The following ULK2 variants were observed in gnomAD, a reference collection of about 807,000 sequenced individuals.
The protein encoded by ULK2 is unc-51 like autophagy activating kinase 2, also known as serine/threonine-protein kinase ULK2.
In ULK2, 76 loss-of-function variants were observed where a neutral mutation model predicts 127.5. The observed-to-expected ratio is 0.60, with a 90% CI of 0.50 to 0.72. ULK2 has a LOEUF of 0.72. Among genes scored for constraint, ULK2 ranks in the 30% least tolerant of loss-of-function variants. The pLI is 0.00. For synonymous variants in ULK2, 452 were observed against 461.9 expected (o/e 0.98, Z 0.28); for missense variants, 1,144 against 1,295.9 (o/e 0.88, Z 1.80).
intron 10 of ULK2, among the ~76,000 whole-genome samples, chr17:19,828,944 G>A (rs1298991785): frequency 6.6e-6 from 1 of 152,136 alleles, no homozygotes; most frequent in Admixed American, 6.5e-5. Flanking sequence ...GCTAGGCATG[G>A]TGCTGCACAT....
At chr17:19,842,053 A>G (rs2041771150) in intron 8 of ULK2, among the ~76,000 whole-genome samples, 1 of 152,142 alleles carries the variant, frequency 6.6e-6, no homozygotes, top group African/African-American at 2.4e-5. Flanking sequence ...AACTATGTAT[A>G]CTGCTACTAT....
At chr17:19,859,678 C>T (rs916123859) in intron 3 of ULK2, among the ~76,000 whole-genome samples, 3 of 152,092 alleles carry the variant, frequency 2.0e-5, no homozygotes, top group Non-Finnish European at 4.4e-5. Flanking sequence ...AGCCATAATT[C>T]GGTGGTTTCT....
chr17:19,840,735 A>G (rs933859433), intron 9 of ULK2, among the ~76,000 whole-genome samples: 4 of 151,298 alleles, frequency 2.6e-5, no homozygotes, highest in African/African-American at 9.7e-5. Flanking sequence ...AAAAAAATAC[A>G]AAAATTAGAG....
rs2041854049 is a variant in ULK2, at chr17:19,845,295, C to G, written c.543+9G>C. On this transcript the variant is annotated intron_variant, in intron 7 of 26. Transcript: ENST00000395544. ...CTTTAAACACACAAGGATGCAAACA[C>G]TCACTCACCATGTACATCGGGGATC... 6.2e-7 allele frequency: 1 copy of G among 1,611,914 alleles called. No homozygotes were observed. The highest frequency in any genetic ancestry group is 8.5e-7 in the Non-Finnish European group (1 of 1,178,400).
At chr17:19,843,272 A>G (rs1245580358) in intron 7 of ULK2, 50 bp from the exon 8 acceptor site, 1 of 1,215,958 alleles carries the variant, frequency 8.2e-7, no homozygotes, top group Non-Finnish European at 1.1e-6. Flanking sequence ...TTACATAATT[A>G]ATATGCACAT....
intron 16 of ULK2, 24 bp downstream of exon 16, chr17:19,801,750 AAAC>A: frequency 6.2e-7 from 1 of 1,607,388 alleles, no homozygotes; most frequent in Non-Finnish European, 8.5e-7. Context: ...AAAAGGTTGA[AAAC>A]AACTGTTTTT....
In ULK2 at chr17:19,801,896, G is replaced by T. The variant is rs372108670; in HGVS notation, c.1322C>A (p.Thr441Asn). The T allele has an allele frequency of 6.2e-7, 1 of 1,612,678 alleles. No homozygotes were observed. Among genetic ancestry groups the T allele is most frequent in the Non-Finnish European group, 8.5e-7 (1 of 1,179,738 alleles). ...CGGCCGGAGGAAGCCCATGGGGCTG[G>T]TGTTGGACCTTCGTACCACTGCAGA... ...PRSAVVRRSN[T>N]SPMGFLRPGS... Residue 441 changes from threonine (T) to asparagine (N), a missense_variant, in exon 16 of 27, where the codon ACC becomes AAC. Transcript: ENST00000395544.
At chr17:19,845,960 C>CA (rs1368594970) in intron 6 of ULK2, among the ~76,000 whole-genome samples, 1 of 150,772 alleles carries the variant, frequency 6.6e-6, no homozygotes, top group Non-Finnish European at 1.5e-5. Context: ...AAAAAAAATA[C>CA]AAAAAAAATT....
intron 14 of ULK2, 147 bp from the exon 15 acceptor site, chr17:19,804,977 A>C: frequency 1.1e-6 from 1 of 944,050 alleles, no homozygotes; most frequent in Non-Finnish European, 1.4e-6. Context: ...TTGTTAAAAA[A>C]TATATAAAGC....
At position 19,867,447 on chromosome 17, in the gene ULK2, G is replaced by C. The variant is rs1348628987; in HGVS notation, c.-30C>G. ...GCGCCCCCGGGGCACACAGCGGACG[G>C]GCGGGCGGCGCAGTGCGGCGCAGGT... On this transcript the variant is annotated 5_prime_UTR_variant, in exon 1 of 27. Transcript: ENST00000395544. 3 of 1,575,676 alleles carry C rather than the reference G, an allele frequency of 1.9e-6. No individual in the cohort carries two copies. Among genetic ancestry groups the C allele is most frequent in the Admixed American group, 3.5e-5 (2 of 56,726 alleles).
intron 10 of ULK2, among the ~76,000 whole-genome samples, chr17:19,832,504 T>TC (rs1245764346): frequency 6.6e-6 from 1 of 152,148 alleles, no homozygotes; most frequent in Non-Finnish European, 1.5e-5. Context: ...GTTTAACTGA[T>TC]CTGCCCATCT....
chr17:19,835,876 C>T (rs977316236), intron 10 of ULK2, among the ~76,000 whole-genome samples: 2 of 151,894 alleles, frequency 1.3e-5, no homozygotes, highest in African/African-American at 2.4e-5. Flanking sequence ...AATCCCAGCA[C>T]TCTGGGAGGC....
intron 16 of ULK2, among the ~76,000 whole-genome samples, chr17:19,801,252 T>G (rs1274815163): frequency 2.0e-5 from 3 of 152,126 alleles, no homozygotes; most frequent in Admixed American, 2.0e-4. Context: ...CCAGTAGAGA[T>G]CCTAACAAAT....
At chr17:19,801,325 G>A (rs770186218) in intron 16 of ULK2, among the ~76,000 whole-genome samples, 9 of 152,168 alleles carry the variant, frequency 5.9e-5, no homozygotes, top group Non-Finnish European at 1.2e-4. Flanking sequence ...TATAATCCCA[G>A]CACTTTGGAA....
rs1446400458 is a variant in ULK2 at position 19,774,473 on chromosome 17, A to G, written c.*1876T>C. 6.6e-6 allele frequency: 1 copy of G among 152,252 alleles called. No individual in the cohort carries two copies. The highest frequency in any genetic ancestry group is 2.4e-5 in the African/African-American group (1 of 41,468). The allele number at this position is 152,252 out of a possible 1,614,324, so 9.4% of individuals were successfully genotyped here. On this transcript the variant is annotated 3_prime_UTR_variant, in exon 27 of 27. Coordinates refer to ENST00000395544, the MANE Select transcript of ULK2 (RefSeq NM_014683.4). ...ATGGGAGAGGAAGAGGAGAGGATAG[A>G]ATAAACCTACAACTGAGATAACACA...
At position 19,818,322 on chromosome 17, in the gene ULK2, C is replaced by CAAA. The variant is rs1333097274; in HGVS notation, c.925-1405_925-1403dup. On this transcript the variant is annotated intron_variant, in intron 12 of 26. Transcript: ENST00000395544. Reference sequence around the variant, plus strand: ...TGGGCGACAGAGTGAGACTCCGTCTCAAAAAAAAAAAAAAAAAGAGCTTTC... The same window carrying CAAA: ...TGGGCGACAGAGTGAGACTCCGTCTCAAAAAAAAAAAAAAAAAAAAGAGCTTTC... 4.5e-3 allele frequency among the ~76,000 whole-genome samples: 279 copies of CAAA among 62,674 alleles called. 9 individuals are homozygous for CAAA. In the East Asian group the frequency reaches 0.1, roughly 23 times the overall value. 41.1% of individuals were successfully genotyped at this position (62,674 alleles called of 152,430 possible). A position where few individuals can be genotyped will look rare whatever the true frequency, so the allele number is the denominator to read the frequency against.
chr17:19,778,699 CTT>C (rs1256902363), intron 25 of ULK2, among the ~76,000 whole-genome samples: 1 of 152,172 alleles, frequency 6.6e-6, no homozygotes, highest in Non-Finnish European at 1.5e-5. Context: ...AAGCAATCCT[CTT>C]GTCTCAGCCT....
Position 19,867,387 on chromosome 17 carries a change from T to G in ULK2, c.31A>C (p.Lys11Gln), listed in dbSNP as rs1234736446. 1 of 1,601,630 alleles carries G rather than the reference T, an allele frequency of 6.2e-7. No individual in the cohort carries two copies. The highest frequency in any genetic ancestry group is 1.7e-5 in the Admixed American group (1 of 59,318). Residue 11 changes from lysine (K) to glutamine (Q), a missense_variant, in exon 1 of 27, where the codon AAG becomes CAG. Coordinates refer to ENST00000395544, the MANE Select transcript of ULK2 (RefSeq NM_014683.4). ...GCCCCGTGTCCCACGAGATCCCTCT[T>G]GCTGTACTCGAAGTCACCCACCACC... MEVVGDFEYS[K>Q]RDLVGHGAFA...
intron 9 of ULK2, chr17:19,840,189 G>A (rs554381922): frequency 1.8e-5 from 9 of 488,704 alleles, no homozygotes; most frequent in African/African-American, 3.9e-5. Flanking sequence ...CAACCCAGCC[G>A]AATACAACAT....
Sources: gnomAD v4.1 joint callset for allele counts (sites outside exome capture counted in the v4.1 genomes callset) on GRCh38, gnomAD v4.1.1 for gene constraint, MANE v1.5 for transcripts, NCBI Gene and HGNC (gene_info 2026-07-23, HGNC 2026-07-21) for gene names.